SNX29: variants seen among roughly 807,000 people sequenced by gnomAD.
The protein encoded by SNX29 is sorting nexin-29.
SNX29 carries 78 observed loss-of-function variants against 102.1 expected under a neutral mutation model. The ratio of observed to expected loss-of-function variants is 0.76; its 90% CI spans 0.64 to 0.92. SNX29 has a LOEUF of 0.92. Ranked by LOEUF, SNX29 falls within the 40% of genes least tolerant of loss-of-function variation. The probability of loss-of-function intolerance (pLI) is 0.00; values close to 1 mark genes in which losing one functional copy is unlikely to be tolerated. For synonymous variants in SNX29, 580 were observed against 414.5 expected (o/e 1.40, Z -4.85); for missense variants, 1,280 against 1,061.7 (o/e 1.21, Z -2.86).
chr16:12,573,007 A>G lies in SNX29; in HGVS notation c.*4378A>G, dbSNP rs1198812114. On this transcript the variant is annotated 3_prime_UTR_variant, in exon 21 of 21. Coordinates refer to ENST00000566228, the MANE Select transcript of SNX29 (RefSeq NM_032167.5). ...ATTAATTCATTAAAGCTACTGTTAAATATTTGCTGTTTTTAGATTGGCGTC... is the reference window on the plus strand; with the variant it reads ...ATTAATTCATTAAAGCTACTGTTAAGTATTTGCTGTTTTTAGATTGGCGTC... 4 of 318,092 alleles carry G rather than the reference A, an allele frequency of 1.3e-5. No individual in the cohort carries two copies. Among genetic ancestry groups the G allele is most frequent in the Non-Finnish European group, 2.0e-5 (4 of 196,736 alleles). The allele number at this position is 318,092 out of a possible 1,614,324, so 19.7% of individuals were successfully genotyped here. A position where few individuals can be genotyped will look rare whatever the true frequency, so the allele number is the denominator to read the frequency against.
At chr16:12,101,830 A>G (rs182527845) in intron 11 of SNX29, among the ~76,000 whole-genome samples, 2 of 152,302 alleles carry the variant, frequency 1.3e-5, no homozygotes, top group Admixed American at 6.5e-5. Context: ...TGCTTATTAC[A>G]TAGGTATACT....
chr16:12,555,787 A>G (rs746170799), intron 20 of SNX29, among the ~76,000 whole-genome samples: 21 of 151,396 alleles, frequency 1.4e-4, no homozygotes, highest in African/African-American at 4.9e-4. Flanking sequence ...GGCACCAGGC[A>G]GGCACACTCC....
chr16:12,568,159 C>G (rs956084286), intron 20 of SNX29, among the ~76,000 whole-genome samples: 1 of 152,136 alleles, frequency 6.6e-6, no homozygotes, highest in Admixed American at 6.5e-5. Context: ...TAGAAGCGTA[C>G]CTTTGCTGGA....
rs529421080 is a variant in SNX29 at position 12,246,362 on chromosome 16, C to T, written c.1679-31571C>T. On this transcript the variant is annotated intron_variant, in intron 14 of 20. Coordinates refer to ENST00000566228, the MANE Select transcript of SNX29 (RefSeq NM_032167.5). ...GCATGAAAAAAAAAGAAACATTGGC[C>T]AGGCATGGTGGCTCACGCTTGTAAT... Among the ~76,000 whole-genome samples, 6 of 152,182 alleles carry T rather than the reference C, an allele frequency of 3.9e-5. No individual in the cohort carries two copies. In the South Asian group the frequency reaches 1.2e-3, roughly 32 times the overall value.
chr16:12,299,409 C>T (rs777246552), intron 15 of SNX29, among the ~76,000 whole-genome samples: 11 of 152,146 alleles, frequency 7.2e-5, no homozygotes, highest in South Asian at 2.1e-4. Context: ...AGCCCATGGA[C>T]GGTGTTTAGT....
intron 13 of SNX29, among the ~76,000 whole-genome samples, chr16:12,138,478 G>A (rs1214882586): frequency 2.0e-5 from 3 of 152,068 alleles, no homozygotes; most frequent in Non-Finnish European, 2.9e-5. Flanking sequence ...AAAGTGCTGG[G>A]CTTATAGGCG....
intron 15 of SNX29, among the ~76,000 whole-genome samples, chr16:12,339,388 A>AAAT: frequency 6.7e-6 from 1 of 149,854 alleles, no homozygotes; most frequent in East Asian, 1.9e-4. Flanking sequence ...AAAAAAAAAA[A>AAAT]AAAAAAGATT....
intron 14 of SNX29, among the ~76,000 whole-genome samples, chr16:12,221,339 G>GTGT (rs1304409930): frequency 1.3e-5 from 2 of 152,208 alleles, no homozygotes; most frequent in Non-Finnish European, 2.9e-5. Context: ...GATGGACCAG[G>GTGT]TGTGGTGGCT....
intron 19 of SNX29, among the ~76,000 whole-genome samples, chr16:12,507,528 C>T (rs1052683605): frequency 6.6e-6 from 1 of 152,086 alleles, no homozygotes; most frequent in African/African-American, 2.4e-5. Context: ...TGATGAGTGG[C>T]TTGTGTGTAG....
At chr16:12,275,881 G>GTGTT (rs1291935351) in intron 14 of SNX29, among the ~76,000 whole-genome samples, 1 of 104,132 alleles carries the variant, frequency 9.6e-6, no homozygotes, top group African/African-American at 3.7e-5. Flanking sequence ...CATTTTAATT[G>GTGTT]TTTTTTTTTT....
chr16:12,480,717 A>T (rs1472351924), intron 19 of SNX29, among the ~76,000 whole-genome samples: 1 of 152,196 alleles, frequency 6.6e-6, no homozygotes, highest in Non-Finnish European at 1.5e-5. Flanking sequence ...AAGACAAAAT[A>T]AATCTCATCA....
chr16:12,035,180 T>C (rs1430583490), intron 4 of SNX29, among the ~76,000 whole-genome samples: 1 of 151,828 alleles, frequency 6.6e-6, no homozygotes, highest in Non-Finnish European at 1.5e-5. Context: ...ATACAAGCTT[T>C]AGAAGTCCGT....
chr16:12,057,325 A>G (rs1021330366), intron 8 of SNX29, among the ~76,000 whole-genome samples: 15 of 152,174 alleles, frequency 9.9e-5, no homozygotes, highest in Admixed American at 2.0e-4. Context: ...TGGAAGGGAA[A>G]GATCTTGCTG....
At chr16:12,560,390 C>G (rs1309304360) in intron 20 of SNX29, among the ~76,000 whole-genome samples, 1 of 152,136 alleles carries the variant, frequency 6.6e-6, no homozygotes, top group African/African-American at 2.4e-5. Flanking sequence ...ATTTTGAGTT[C>G]TTTAATCCCC....
At chr16:12,360,057 C>T (rs991094448) in intron 16 of SNX29, among the ~76,000 whole-genome samples, 5 of 152,228 alleles carry the variant, frequency 3.3e-5, no homozygotes, top group African/African-American at 7.2e-5. Flanking sequence ...CTCCTGATCT[C>T]GAGTGATCTG....
chr16:12,309,650 A>G (rs571928802), intron 15 of SNX29, among the ~76,000 whole-genome samples: 5 of 152,302 alleles, frequency 3.3e-5, no homozygotes, highest in African/African-American at 4.8e-5. Context: ...TGGTGAAGGA[A>G]TGGGTGCCCA....
intron 12 of SNX29, 106 bp from the exon 13 acceptor site, chr16:12,129,524 G>C: frequency 7.2e-7 from 1 of 1,394,780 alleles, no homozygotes. Flanking sequence ...GCAGAGCCTT[G>C]TGGAAAACGC....
chr16:12,019,657 C>T (rs1458393451), intron 3 of SNX29, among the ~76,000 whole-genome samples: 3 of 140,688 alleles, frequency 2.1e-5, no homozygotes, highest in African/African-American at 5.3e-5. Flanking sequence ...TTTTTTGAGA[C>T]GGAGTTTTGC....
intron 15 of SNX29, among the ~76,000 whole-genome samples, chr16:12,313,099 C>T (rs910530630): frequency 8.5e-5 from 13 of 152,100 alleles, no homozygotes; most frequent in African/African-American, 2.4e-4. Flanking sequence ...CTACAACCTC[C>T]GCCTCCTGGG....
Sources: gnomAD v4.1 joint callset for allele counts (sites outside exome capture counted in the v4.1 genomes callset) on GRCh38, gnomAD v4.1.1 for gene constraint, MANE v1.5 for transcripts, NCBI Gene and HGNC (gene_info 2026-07-23, HGNC 2026-07-21) for gene names.